Variants in TBC1D4 observed in about 807,000 individuals in gnomAD.
The protein encoded by TBC1D4 is TBC1 domain family member 4.
A neutral mutation model predicts 142.5 loss-of-function variants in TBC1D4; 121 were observed. That is an observed-to-expected ratio of 0.85 (90% CI 0.73 to 0.99). The LOEUF (loss-of-function observed/expected upper bound fraction) is 0.99, where lower values mean the gene tolerates loss of function less well. TBC1D4 is among the 50% of genes least tolerant of loss of function. The pLI, the probability that TBC1D4 is intolerant of heterozygous loss-of-function variation, is 0.00. For synonymous variants in TBC1D4, 630 were observed against 628.2 expected, an observed-to-expected ratio of 1.00 and a Z score of -0.04; for missense variants, 1,475 against 1,606.6, an observed-to-expected ratio of 0.92 and a Z score of 1.40.
chr13:75,377,180 G>C (rs79708953), intron 1 of TBC1D4: 82 of 152,350 alleles, frequency 5.4e-4, no homozygotes, highest in Non-Finnish European at 1.1e-3. Flanking sequence ...GCGCAGCACA[G>C]TGGAGAACTT....
Position 75,482,028 on chromosome 13 carries a change from T to G in TBC1D4, c.-261A>C. On this transcript the variant is annotated 5_prime_UTR_variant, in exon 1 of 21. Transcript: ENST00000377636. ...GCGGGTTAAATGGGCATCCTCCTCC[T>G]TGGGCTGGCGCCTCGGGCAGGACCT... is the stretch of plus-strand genomic sequence containing the variant. 2.5e-6 allele frequency: 1 copy of G among 392,338 alleles called. No homozygotes were observed. Among genetic ancestry groups the G allele is most frequent in the Non-Finnish European group, 4.4e-6 (1 of 228,270 alleles). 24.3% of individuals were successfully genotyped at this position (392,338 alleles called of 1,614,324 possible).
chr13:75,450,476 T>C (rs1887489492), intron 1 of TBC1D4, among the ~76,000 whole-genome samples: 1 of 152,230 alleles, frequency 6.6e-6, no homozygotes, highest in Non-Finnish European at 1.5e-5. Context: ...CAGATATGTT[T>C]TCTGGCTTTT....
chr13:75,481,199 C>CCCCCCCACCCCCCCA, intron 1 of TBC1D4, 71 bp downstream of exon 1: 1 of 1,241,712 alleles, frequency 8.1e-7, no homozygotes, highest in Non-Finnish European at 1.1e-6. Context: ...GTGGGGTCCC[C>CCCCCCCACCCCCCCA]GCCCCTCCCG....
intron 1 of TBC1D4, among the ~76,000 whole-genome samples, chr13:75,460,135 T>C (rs1026116266): frequency 2.7e-4 from 41 of 151,904 alleles, no homozygotes; most frequent in African/African-American, 8.2e-4. Flanking sequence ...AGAGCGAGAC[T>C]CCGTCTCAAA....
intron 8 of TBC1D4, among the ~76,000 whole-genome samples, chr13:75,330,531 G>A (rs1023737389): frequency 2.0e-5 from 3 of 152,232 alleles, no homozygotes; most frequent in Middle Eastern, 3.4e-3. Flanking sequence ...TATTTAGCCC[G>A]TCTTCACAGA....
Position 75,316,552 on chromosome 13 carries a change from C to T in TBC1D4, c.2222+3462G>A, listed in dbSNP as rs182584446. 7 of 152,328 alleles carry T rather than the reference C, an allele frequency of 4.6e-5. 3 individuals are homozygous for T. Among genetic ancestry groups the T allele is most frequent in the African/African-American group, 1.7e-4 (7 of 41,576 alleles). The allele number at this position is 152,328 out of a possible 1,614,324, so 9.4% of individuals were successfully genotyped here. On this transcript the variant is annotated intron_variant, in intron 12 of 20. Transcript: ENST00000377636. ...GTTGGTTGCTGAGATATGGCAAAAGCAGCTCTGCTTTTAATAAGAGAAGAT... is the reference window on the plus strand; with the variant it reads ...GTTGGTTGCTGAGATATGGCAAAAGTAGCTCTGCTTTTAATAAGAGAAGAT...
intron 4 of TBC1D4, among the ~76,000 whole-genome samples, chr13:75,351,498 C>G (rs1881590590): frequency 6.6e-6 from 1 of 151,808 alleles, no homozygotes; most frequent in Non-Finnish European, 1.5e-5. Context: ...ATACATGCGC[C>G]ATGTTGGTGT....
intron 1 of TBC1D4, among the ~76,000 whole-genome samples, chr13:75,457,051 T>C (rs182764702): frequency 1.3e-5 from 2 of 152,228 alleles, no homozygotes; most frequent in East Asian, 3.9e-4. Context: ...TGTATGATTC[T>C]ATTTATATAA....
intron 12 of TBC1D4, among the ~76,000 whole-genome samples, chr13:75,315,387 CATATATATATACACACATAT>C (rs1299808867): frequency 3.1e-4 from 28 of 90,138 alleles, no homozygotes; most frequent in Admixed American, 1.7e-3. Context: ...CACACACACA[CATATATATATACACACATAT>C]ATATATATAT....
rs368788562 is a variant in TBC1D4, at chr13:75,330,869, G to A, written c.1732-3043C>T. Among the ~76,000 whole-genome samples, 9 of 152,286 alleles carry A rather than the reference G, an allele frequency of 5.9e-5. No individual in the cohort carries two copies. The South Asian group carries it at 1.9e-3, about 32-fold the overall frequency. ...ATTGGGTTAGTGTGTGTAGCCAAGA[G>A]GAAAATATAGTAAAGATGAGATTGC... On this transcript the variant is annotated intron_variant, in intron 8 of 20. Transcript: ENST00000377636.
intron 1 of TBC1D4, among the ~76,000 whole-genome samples, chr13:75,418,732 T>G (rs1182044555): frequency 1.3e-5 from 2 of 152,226 alleles, no homozygotes; most frequent in Non-Finnish European, 2.9e-5. Flanking sequence ...TGCTAAACAC[T>G]TTATTTCAAT....
intron 4 of TBC1D4, among the ~76,000 whole-genome samples, chr13:75,351,649 T>C (rs1008044218): frequency 2.7e-5 from 4 of 145,820 alleles, no homozygotes; most frequent in Admixed American, 1.4e-4. Context: ...AATTCCCACC[T>C]ATGAGTGAGA....
intron 1 of TBC1D4, among the ~76,000 whole-genome samples, chr13:75,386,550 G>T (rs1884184291): frequency 1.3e-5 from 2 of 151,600 alleles, no homozygotes; most frequent in East Asian, 1.9e-4. Flanking sequence ...CACCAGACCT[G>T]GCTAATTTTT....
Position 75,306,447 on chromosome 13 carries a change from C to G in TBC1D4, c.2618G>C (p.Arg873Thr), listed in dbSNP as rs373004177. 1.2e-6 allele frequency: 2 copies of G among 1,613,260 alleles called. No homozygotes were observed. The highest frequency in any genetic ancestry group is 2.7e-5 in the African/African-American group (2 of 74,992). ...LEASRDELQS[R>T]KVKLDYEEVG... Reference sequence around the variant, plus strand: ...TTCTTCATAGTCTAATTTAACTTTTCTGGACTGGAGTTCATCTCTGCTTGC... The same window carrying G: ...TTCTTCATAGTCTAATTTAACTTTTGTGGACTGGAGTTCATCTCTGCTTGC... Residue 873 changes from arginine (R) to threonine (T), a missense_variant, in exon 15 of 21, where the codon AGA (arginine) becomes ACA (threonine). Coordinates refer to ENST00000377636, the MANE Select transcript of TBC1D4 (RefSeq NM_014832.5).
At chr13:75,432,119 G>C (rs1886613505) in intron 1 of TBC1D4, among the ~76,000 whole-genome samples, 1 of 152,142 alleles carries the variant, frequency 6.6e-6, no homozygotes, top group South Asian at 2.1e-4. Flanking sequence ...CATTTTTCTT[G>C]TGTAACCAGA....
At chr13:75,317,324 G>A (rs183424485) in intron 12 of TBC1D4, among the ~76,000 whole-genome samples, 2 of 152,250 alleles carry the variant, frequency 1.3e-5, no homozygotes, top group Admixed American at 1.3e-4. Context: ...TTTTGATTGG[G>A]TACTTCTCTT....
Position 75,291,218 on chromosome 13 carries a change from T to C in TBC1D4, c.3486+884A>G, listed in dbSNP as rs148676076. Among the ~76,000 whole-genome samples, 5 of 152,268 alleles carry C rather than the reference T, an allele frequency of 3.3e-5. No homozygotes were observed. The East Asian group carries it at 9.7e-4, about 29-fold the overall frequency. ...CTTTCTGGCTGGCTTCTGGTTCACTTTGGCAAATAGAAGATGCCAGCACAA... is the reference window on the plus strand; with the variant it reads ...CTTTCTGGCTGGCTTCTGGTTCACTCTGGCAAATAGAAGATGCCAGCACAA... On this transcript the variant is annotated intron_variant, in intron 19 of 20. Transcript: ENST00000377636.
At chr13:75,413,913 G>C (rs1245094834) in intron 1 of TBC1D4, among the ~76,000 whole-genome samples, 2 of 152,146 alleles carry the variant, frequency 1.3e-5, no homozygotes, top group Non-Finnish European at 2.9e-5. Context: ...TTCTAGAGCA[G>C]GGTTTCTTGA....
In TBC1D4 at chr13:75,302,243, C is replaced by G; in HGVS notation, c.2911G>C (p.Gly971Arg). Reference sequence around the variant, plus strand: ...ATTATAATCCACATGACAAACATACCTAAATCCACGAGAATCGCATGCTGC... The same window carrying G: ...ATTATAATCCACATGACAAACATACGTAAATCCACGAGAATCGCATGCTGC... ...AQQHAILVDL[G>R]RTFPTHPYFS... The change falls in exon 16 of 21, where the codon GGA becomes CGA. Residue 971 changes from glycine (G) to arginine (R), a missense_variant and splice_region_variant. Transcript: ENST00000377636. 1 of 1,614,124 alleles carries G rather than the reference C, an allele frequency of 6.2e-7. No homozygotes were observed. The highest frequency in any genetic ancestry group is 8.5e-7 in the Non-Finnish European group (1 of 1,180,018).
Sources: allele counts gnomAD v4.1 joint callset (sites outside exome capture counted in the v4.1 genomes callset), GRCh38; gene constraint gnomAD v4.1.1; transcripts MANE v1.5; gene names NCBI Gene and HGNC (gene_info 2026-07-23, HGNC 2026-07-21).